The following TLL1 variants were observed in gnomAD, a reference collection of about 807,000 sequenced individuals.
The protein encoded by TLL1 is tolloid-like protein 1.
TLL1 carries 49 observed loss-of-function variants against 128.2 expected under a neutral mutation model. That is an observed-to-expected ratio of 0.38 (90% CI 0.30 to 0.48). The LOEUF (loss-of-function observed/expected upper bound fraction) is 0.48. Among genes scored for constraint, TLL1 ranks in the 20% least tolerant of loss-of-function variants. The probability of loss-of-function intolerance (pLI) is 0.96; values close to 1 mark genes in which losing one functional copy is unlikely to be tolerated. For synonymous variants in TLL1, 454 were observed against 418.8 expected (o/e 1.08, Z -1.03); for missense variants, 1,123 against 1,242.0 (o/e 0.90, Z 1.44).
chr4:165,979,566 G>A (rs965294307), intron 1 of TLL1, among the ~76,000 whole-genome samples: 1 of 152,060 alleles, frequency 6.6e-6, no homozygotes, highest in East Asian at 1.9e-4. Context: ...AGAGAACATG[G>A]GGTCATGGTA....
At chr4:165,972,613 C>T (rs1735677181) in intron 1 of TLL1, among the ~76,000 whole-genome samples, 1 of 152,134 alleles carries the variant, frequency 6.6e-6, no homozygotes, top group Admixed American at 6.6e-5. Flanking sequence ...CTATTTTACT[C>T]CTTGGACACC....
intron 9 of TLL1, chr4:166,031,031 A>C (rs935308342): frequency 2.6e-5 from 23 of 898,310 alleles, no homozygotes; most frequent in Non-Finnish European, 2.9e-5. Flanking sequence ...ACAAGCACTA[A>C]AAATTTAATA....
At chr4:165,965,160 A>G (rs181658203) in intron 1 of TLL1, among the ~76,000 whole-genome samples, 9 of 152,314 alleles carry the variant, frequency 5.9e-5, no homozygotes, top group Admixed American at 5.2e-4. Flanking sequence ...TAGAATAATT[A>G]AATTCTAAAT....
At chr4:165,978,563 A>T (rs1174950916) in intron 1 of TLL1, among the ~76,000 whole-genome samples, 2 of 152,160 alleles carry the variant, frequency 1.3e-5, no homozygotes, top group African/African-American at 4.8e-5. Context: ...TTTACTTTTT[A>T]AAATTCTTTT....
intron 1 of TLL1, among the ~76,000 whole-genome samples, chr4:165,948,930 C>T (rs1253467467): frequency 6.6e-6 from 1 of 152,054 alleles, no homozygotes; most frequent in Non-Finnish European, 1.5e-5. Flanking sequence ...CTCAGGCTTC[C>T]TCTCTTCTGG....
At chr4:165,888,741 A>C (rs1208251248) in intron 1 of TLL1, among the ~76,000 whole-genome samples, 1 of 152,154 alleles carries the variant, frequency 6.6e-6, no homozygotes, top group East Asian at 1.9e-4. Flanking sequence ...TCAAGCTTCC[A>C]GAAAATTCTC....
At chr4:166,042,931 C>T (rs1355501402) in intron 11 of TLL1, among the ~76,000 whole-genome samples, 1 of 151,960 alleles carries the variant, frequency 6.6e-6, no homozygotes, top group Non-Finnish European at 1.5e-5. Context: ...TACCTGTGGT[C>T]GAAAGACCAA....
chr4:165,994,972 T>C, intron 4 of TLL1, 89 bp from the exon 5 acceptor site: 1 of 1,052,542 alleles, frequency 9.5e-7, no homozygotes, highest in Non-Finnish European at 1.5e-6. Context: ...CATTCTGCAC[T>C]GCTCAGCCAG....
chr4:165,933,945 G>T (rs1400826579), intron 1 of TLL1, among the ~76,000 whole-genome samples: 6 of 151,986 alleles, frequency 3.9e-5, no homozygotes, highest in Admixed American at 2.0e-4. Flanking sequence ...TCTCCTTTCT[G>T]TTTTACTGGA....
intron 1 of TLL1, among the ~76,000 whole-genome samples, chr4:165,974,866 G>A (rs1016285198): frequency 3.3e-5 from 5 of 152,320 alleles, no homozygotes; most frequent in East Asian, 1.9e-4. Flanking sequence ...ACTGTCACAG[G>A]TTGCGTTGCT....
chr4:165,898,106 T>C (rs565919601), intron 1 of TLL1, among the ~76,000 whole-genome samples: 1 of 152,340 alleles, frequency 6.6e-6, no homozygotes, highest in East Asian at 1.9e-4. Context: ...CTGAAGTTGC[T>C]TATCAGCTTA....
At chr4:166,007,883 T>G in intron 6 of TLL1, 60 bp from the exon 7 acceptor site, 1 of 1,091,772 alleles carries the variant, frequency 9.2e-7, no homozygotes, top group Non-Finnish European at 1.4e-6. Context: ...GGAAAGGCCT[T>G]CTGGTCTATT....
chr4:166,066,841 C>T (rs1313819594), intron 16 of TLL1, among the ~76,000 whole-genome samples: 1 of 151,660 alleles, frequency 6.6e-6, no homozygotes, highest in African/African-American at 2.4e-5. Flanking sequence ...TTTACAAATG[C>T]TTCTCAGGTA....
At chr4:166,065,170 T>C (rs1317761950) in intron 15 of TLL1, among the ~76,000 whole-genome samples, 4 of 152,122 alleles carry the variant, frequency 2.6e-5, no homozygotes, top group Admixed American at 2.0e-4. Context: ...TTCCTATGTG[T>C]TTGCAGTCCT....
At chr4:165,950,352 A>G (rs898847946) in intron 1 of TLL1, among the ~76,000 whole-genome samples, 1 of 152,140 alleles carries the variant, frequency 6.6e-6, no homozygotes, top group Non-Finnish European at 1.5e-5. Flanking sequence ...TTTGTCACTT[A>G]TTGGTAGAAC....
chr4:165,932,817 G>A (rs371518770), intron 1 of TLL1, among the ~76,000 whole-genome samples: 14 of 151,688 alleles, frequency 9.2e-5, no homozygotes, highest in African/African-American at 2.7e-4. Context: ...AACTTCCTCC[G>A]AGACAATAAA....
chr4:165,877,411 A>G (rs1230276301), intron 1 of TLL1, among the ~76,000 whole-genome samples: 2 of 152,236 alleles, frequency 1.3e-5, no homozygotes, highest in African/African-American at 2.4e-5. Context: ...GTCTTTCATC[A>G]GTGCAGTACA....
At chr4:165,932,405 C>T (rs1473323055) in intron 1 of TLL1, among the ~76,000 whole-genome samples, 2 of 152,134 alleles carry the variant, frequency 1.3e-5, no homozygotes, top group African/African-American at 2.4e-5. Flanking sequence ...ATTCCTCATT[C>T]CTGATTAATA....
At chr4:165,923,910 A>G (rs1474689300) in intron 1 of TLL1, among the ~76,000 whole-genome samples, 1 of 151,984 alleles carries the variant, frequency 6.6e-6, no homozygotes, top group Non-Finnish European at 1.5e-5. Flanking sequence ...AGACTTTTTC[A>G]TCATTATTAT....
Sources: gnomAD v4.1 joint callset for allele counts (sites outside exome capture counted in the v4.1 genomes callset) on GRCh38, gnomAD v4.1.1 for gene constraint, MANE v1.5 for transcripts, NCBI Gene and HGNC (gene_info 2026-07-23, HGNC 2026-07-21) for gene names.